RANBP9: variants seen among roughly 807,000 people sequenced by gnomAD.
The protein encoded by RANBP9 is ran-binding protein 9.
Under a neutral mutation model 84.3 loss-of-function variants are expected in RANBP9, and 15 were observed. The observed-to-expected ratio is 0.18, with a 90% CI of 0.12 to 0.27. The LOEUF is 0.27. RANBP9 is among the 10% of genes least tolerant of loss of function. The pLI is 1.00. For synonymous variants in RANBP9, 392 were observed against 349.6 expected (o/e 1.12, Z -1.35); for missense variants, 809 against 912.8 (o/e 0.89, Z 1.46).
At chr6:13,692,527 C>CAAAAAAA (rs61237158) in intron 2 of RANBP9, among the ~76,000 whole-genome samples, 5 of 28,716 alleles carry the variant, frequency 1.7e-4, no homozygotes, top group African/African-American at 4.0e-4. Context: ...AACTCCGTCT[C>CAAAAAAA]AAAAAAAAAA....
chr6:13,683,686 A>AT (rs980697587), intron 2 of RANBP9, among the ~76,000 whole-genome samples: 1 of 150,740 alleles, frequency 6.6e-6, no homozygotes, highest in Admixed American at 6.6e-5. Flanking sequence ...AAAATATGTT[A>AT]TTTTTTTTCT....
intron 1 of RANBP9, among the ~76,000 whole-genome samples, chr6:13,708,224 C>T (rs559504814): frequency 6.6e-6 from 1 of 152,036 alleles, no homozygotes; most frequent in Non-Finnish European, 1.5e-5. Flanking sequence ...ACATTCAACA[C>T]TAGCCTAGGC....
At position 13,711,155 on chromosome 6, in the gene RANBP9, T is replaced by C; in HGVS notation, c.351A>G (p.Gly117=). 1 of 1,473,488 alleles carries C rather than the reference T, an allele frequency of 6.8e-7. No homozygotes were observed. The highest frequency in any genetic ancestry group is 9.0e-7 in the Non-Finnish European group (1 of 1,114,238). 91.3% of individuals were successfully genotyped at this position (1,473,488 alleles called of 1,614,324 possible). The change falls in exon 1 of 14, where the codon GGA becomes GGG. Residue 117 remains glycine (G), a synonymous_variant. Transcript: ENST00000011619. The part of the protein sequence containing the change: ...GLAAGPGPAG[G]APTPALVAGS... ...CCGCCACCAGAGCTGGGGTCGGGGC[T>C]CCTCCAGCCGGGCCGGGGCCCGCTG...
At chr6:13,702,929 A>C (rs961211846) in intron 1 of RANBP9, among the ~76,000 whole-genome samples, 1 of 152,168 alleles carries the variant, frequency 6.6e-6, no homozygotes, top group Non-Finnish European at 1.5e-5. Context: ...CTAATTTCCA[A>C]ACGTAGTGGA....
At chr6:13,690,065 C>A (rs28415118) in intron 2 of RANBP9, among the ~76,000 whole-genome samples, 7,958 of 152,120 alleles carry the variant, frequency 0.052, 269 homozygotes, top group Middle Eastern at 0.082. Flanking sequence ...AAAACATCGC[C>A]CAATGACTCA....
intron 2 of RANBP9, among the ~76,000 whole-genome samples, chr6:13,690,861 T>A (rs972534338): frequency 5.9e-5 from 9 of 152,052 alleles, no homozygotes; most frequent in Non-Finnish European, 1.5e-5. Flanking sequence ...CCGTTAAATA[T>A]ATGCCCTAAA....
At position 13,711,452 on chromosome 6, in the gene RANBP9, C is replaced by CTGCTGCTGCTGT. The variant is rs1420863316; in HGVS notation, c.42_53dup (p.Gln15_Gln18dup). The CTGCTGCTGCTGT allele has an allele frequency of 8.2e-7, 1 of 1,218,120 alleles. No individual in the cohort carries two copies. 75.5% of individuals were successfully genotyped at this position (1,218,120 alleles called of 1,614,324 possible). A position where few individuals can be genotyped will look rare whatever the true frequency, so the allele number is the denominator to read the frequency against. ...AGGCCGCCGGCGGTGGCGGCGACAG[C>CTGCTGCTGCTGT]TGCTGCTGCTGTTGCTGCTGCTGCG... On this transcript the variant is annotated inframe_insertion, in exon 1 of 14. Coordinates refer to ENST00000011619, the MANE Select transcript of RANBP9 (RefSeq NM_005493.3).
chr6:13,628,657 C>G (rs1002177840), intron 12 of RANBP9, among the ~76,000 whole-genome samples: 4 of 152,208 alleles, frequency 2.6e-5, no homozygotes, highest in African/African-American at 9.6e-5. Context: ...ATCAAACTCC[C>G]AGTCGTAAAC....
At chr6:13,658,872 T>C in intron 2 of RANBP9, 40 bp from the exon 3 acceptor site, 1 of 1,501,518 alleles carries the variant, frequency 6.7e-7, no homozygotes, top group Non-Finnish European at 9.3e-7. Context: ...AAGGACATTA[T>C]TACAGTCATA....
At chr6:13,631,999 T>C (rs1284379515) in intron 12 of RANBP9, among the ~76,000 whole-genome samples, 2 of 152,192 alleles carry the variant, frequency 1.3e-5, no homozygotes, top group Non-Finnish European at 2.9e-5. Flanking sequence ...CCTATAGTTT[T>C]ATCTGCACGC....
chr6:13,668,806 T>G (rs1205846605), intron 2 of RANBP9, among the ~76,000 whole-genome samples: 1 of 152,138 alleles, frequency 6.6e-6, no homozygotes, highest in Non-Finnish European at 1.5e-5. Context: ...CTGAATACTT[T>G]GACCTTAAGA....
At position 13,711,495 on chromosome 6, in the gene RANBP9, T is replaced by G; in HGVS notation, c.11A>C (p.Gln4Pro). MSG[Q>P]PPPPPPQQQQ... ...CTGCTGCGGCGGCGGCGGCGGCGGC[T>G]GCCCGGACATCCCGGCCGCGACTCA... is the stretch of plus-strand genomic sequence containing the variant. Residue 4 changes from glutamine (Q) to proline (P), a missense_variant, in exon 1 of 14, where the codon CAG (glutamine) becomes CCG (proline). Coordinates refer to ENST00000011619, the MANE Select transcript of RANBP9 (RefSeq NM_005493.3). 4.0e-6 allele frequency: 5 copies of G among 1,245,174 alleles called. No individual in the cohort carries two copies. Among genetic ancestry groups the G allele is most frequent in the Non-Finnish European group, 5.0e-6 (5 of 993,544 alleles). 77.1% of individuals were successfully genotyped at this position (1,245,174 alleles called of 1,614,324 possible).
intron 3 of RANBP9, among the ~76,000 whole-genome samples, chr6:13,657,580 G>A (rs907179864): frequency 5.3e-5 from 8 of 152,030 alleles, no homozygotes; most frequent in African/African-American, 1.2e-4. Flanking sequence ...TGCATATTCC[G>A]TTTGCTAATA....
chr6:13,640,806 G>A (rs866421617), intron 8 of RANBP9, among the ~76,000 whole-genome samples: 2 of 152,058 alleles, frequency 1.3e-5, no homozygotes, highest in African/African-American at 2.4e-5. Flanking sequence ...TTCTGGAGTC[G>A]GATGGTGGTG....
rs143225578 is a variant in RANBP9 at position 13,697,029 on chromosome 6, A to G, written c.572-133T>C. ...CTGCTCCTATCAGTTCAAATACTCAATAAAACGTTTATCATCACCATGAAC... is the reference window on the plus strand; with the variant it reads ...CTGCTCCTATCAGTTCAAATACTCAGTAAAACGTTTATCATCACCATGAAC... On this transcript the variant is annotated intron_variant, in intron 1 of 13. Transcript: ENST00000011619. 424 of 612,808 alleles carry G rather than the reference A, an allele frequency of 6.9e-4. 4 individuals are homozygous for G. The East Asian group carries it at 0.013, about 18-fold the overall frequency. The allele number at this position is 612,808 out of a possible 1,614,324, so 38.0% of individuals were successfully genotyped here. A position where few individuals can be genotyped will look rare whatever the true frequency, so the allele number is the denominator to read the frequency against.
intron 1 of RANBP9, among the ~76,000 whole-genome samples, chr6:13,698,227 C>G (rs918440499): frequency 6.6e-6 from 1 of 152,116 alleles, no homozygotes; most frequent in Non-Finnish European, 1.5e-5. Context: ...GGCAGAAGTT[C>G]TTTTAGCCTG....
chr6:13,667,329 C>T (rs951175638), intron 2 of RANBP9, among the ~76,000 whole-genome samples: 28 of 151,974 alleles, frequency 1.8e-4, no homozygotes, highest in African/African-American at 6.3e-4. Context: ...TGTTTTATGG[C>T]CATTATTAGT....
At chr6:13,702,402 G>A (rs1234366442) in intron 1 of RANBP9, among the ~76,000 whole-genome samples, 1 of 152,056 alleles carries the variant, frequency 6.6e-6, no homozygotes, top group Non-Finnish European at 1.5e-5. Flanking sequence ...CTCTGTTCAA[G>A]AAAAAATAGT....
chr6:13,698,651 CATATAT>C (rs1757897350), intron 1 of RANBP9, among the ~76,000 whole-genome samples: 1 of 152,138 alleles, frequency 6.6e-6, no homozygotes. Context: ...ATAATAGTTA[CATATAT>C]TTAATACCGT....
Sources: allele counts gnomAD v4.1 joint callset (sites outside exome capture counted in the v4.1 genomes callset), GRCh38; gene constraint gnomAD v4.1.1; transcripts MANE v1.5; gene names NCBI Gene and HGNC (gene_info 2026-07-23, HGNC 2026-07-21).